DIS3L: variants seen among roughly 807,000 people sequenced by gnomAD.
The protein encoded by DIS3L is DIS3-like exonuclease 1.
In DIS3L, 100 loss-of-function variants were observed where a neutral mutation model predicts 120.3. That is an observed-to-expected ratio of 0.83 (90% CI 0.71 to 0.98). The LOEUF is 0.98. Among genes scored for constraint, DIS3L ranks in the 50% least tolerant of loss-of-function variants. The pLI is 0.00. For missense variants in DIS3L, 1,196 were observed against 1,314.2 expected (o/e 0.91, Z 1.39); for synonymous variants, 426 against 470.6 (o/e 0.91, Z 1.23).
intron 14 of DIS3L, chr15:66,330,319 C>G (rs1204944269): frequency 1.0e-6 from 1 of 985,188 alleles, no homozygotes; most frequent in Non-Finnish European, 1.2e-6. Context: ...CACACCGTGC[C>G]TGCTGTTTGA....
intron 2 of DIS3L, among the ~76,000 whole-genome samples, chr15:66,297,478 T>C (rs1358804085): frequency 2.0e-5 from 3 of 152,200 alleles, no homozygotes; most frequent in African/African-American, 4.8e-5. Flanking sequence ...TACAACATGA[T>C]GTTTTAAAAT....
intron 11 of DIS3L, among the ~76,000 whole-genome samples, chr15:66,324,338 C>CATTTTT (rs776463085): frequency 6.2e-4 from 95 of 152,198 alleles, no homozygotes; most frequent in Non-Finnish European, 1.1e-3. Context: ...TTCACATTTT[C>CATTTTT]ATTTTTATTT....
chr15:66,321,111 G>C (rs1049373641), intron 9 of DIS3L, among the ~76,000 whole-genome samples: 1 of 152,172 alleles, frequency 6.6e-6, no homozygotes, highest in Non-Finnish European at 1.5e-5. Context: ...GCTGCAGGGG[G>C]TGGATTCCTG....
At chr15:66,306,456 A>G (rs1380359903) in intron 2 of DIS3L, among the ~76,000 whole-genome samples, 2 of 152,260 alleles carry the variant, frequency 1.3e-5, no homozygotes, top group Non-Finnish European at 2.9e-5. Context: ...CCAAAAATAA[A>G]GTGCTAAACT....
intron 10 of DIS3L, 40 bp from the exon 11 acceptor site, chr15:66,323,453 C>T: frequency 6.2e-7 from 1 of 1,603,686 alleles, no homozygotes; most frequent in South Asian, 1.1e-5. Flanking sequence ...TCTGCTTCTC[C>T]CTGCTAAAGG....
chr15:66,323,135 CT>C (rs934690699), intron 10 of DIS3L, among the ~76,000 whole-genome samples: 1 of 152,112 alleles, frequency 6.6e-6, no homozygotes, highest in Non-Finnish European at 1.5e-5. Flanking sequence ...TTAACATAAC[CT>C]TTTCACACAT....
intron 2 of DIS3L, among the ~76,000 whole-genome samples, chr15:66,298,188 A>AT (rs1265856874): frequency 6.0e-5 from 9 of 150,884 alleles, no homozygotes; most frequent in Admixed American, 3.3e-4. Context: ...TCAAAAAAAA[A>AT]AAAAAAAAAA....
chr15:66,318,795 G>T (rs1230633452), intron 8 of DIS3L, among the ~76,000 whole-genome samples, 177 bp downstream of exon 8: 1 of 151,820 alleles, frequency 6.6e-6, no homozygotes, highest in Non-Finnish European at 1.5e-5. Flanking sequence ...TTTTGTTGTT[G>T]TTCTTTTGTT....
intron 14 of DIS3L, chr15:66,329,785 G>A (rs777796815): frequency 1.2e-5 from 11 of 927,648 alleles, no homozygotes; most frequent in Middle Eastern, 5.5e-4. Flanking sequence ...GATGGCACGC[G>A]CCTGTAGTCC....
Position 66,318,553 on chromosome 15 carries a change from G to T in DIS3L, c.1099G>T (p.Val367Phe), listed in dbSNP as rs375710056. ...GGGCAAAAATGCTCAGAAAATCCTG[G>T]TTACACCTTGGGATTACAGAATTCC... ...SQGKNAQKILVTPWDYRIPKI... is the reference protein window; with the variant it reads ...SQGKNAQKILFTPWDYRIPKI... Residue 367 changes from valine (V) to phenylalanine (F), a missense_variant, in exon 8 of 17, where the codon GTT becomes TTT. Physicochemically the swap from Val to Phe is conservative, Grantham distance 50 (BLOSUM62 -1). Coordinates refer to ENST00000319212, the MANE Select transcript of DIS3L (RefSeq NM_001143688.3). The T allele has an allele frequency of 1.2e-5, 20 of 1,613,868 alleles. No individual in the cohort carries two copies. The African/African-American group carries it at 2.1e-4, about 17-fold the overall frequency.
intron 3 of DIS3L, 61 bp downstream of exon 3, chr15:66,307,013 G>A: frequency 1.3e-6 from 2 of 1,599,214 alleles, no homozygotes; most frequent in South Asian, 1.1e-5. Flanking sequence ...CTCATCATTG[G>A]CTGTTTGGGA....
At chr15:66,301,064 T>C (rs1322362799) in intron 2 of DIS3L, among the ~76,000 whole-genome samples, 1 of 152,108 alleles carries the variant, frequency 6.6e-6, no homozygotes, top group African/African-American at 2.4e-5. Context: ...CCACTTCTAA[T>C]CCTTAGAGAG....
chr15:66,294,377 C>T, intron 1 of DIS3L: 7 of 985,602 alleles, frequency 7.1e-6, no homozygotes, highest in Non-Finnish European at 8.4e-6. Context: ...TCTCTTCCCC[C>T]ATGGGAGGAT....
chr15:66,309,244 C>T (rs950876330), intron 4 of DIS3L, among the ~76,000 whole-genome samples: 1 of 149,930 alleles, frequency 6.7e-6, no homozygotes, highest in Non-Finnish European at 1.5e-5. Flanking sequence ...AGAGTAAGAC[C>T]CTGTCTCAAC....
intron 12 of DIS3L, chr15:66,326,649 G>GGCTCA (rs2092941808): frequency 3.6e-6 from 1 of 278,496 alleles, no homozygotes; most frequent in South Asian, 4.8e-5. Context: ...GTATGATCTC[G>GGCTCA]GCTCACTGCA....
chr15:66,323,774 G>A (rs1268995247), intron 11 of DIS3L, among the ~76,000 whole-genome samples, 189 bp downstream of exon 11: 12 of 151,782 alleles, frequency 7.9e-5, no homozygotes, highest in Non-Finnish European at 2.9e-5. Context: ...TATTTCTCTA[G>A]CCTTCCCTGC....
At chr15:66,322,075 A>G (rs998086529) in intron 9 of DIS3L, among the ~76,000 whole-genome samples, 1 of 152,124 alleles carries the variant, frequency 6.6e-6, no homozygotes. Flanking sequence ...AGTTTCTGGA[A>G]ATTATTTGTT....
intron 4 of DIS3L, among the ~76,000 whole-genome samples, chr15:66,310,565 A>G (rs955664559): frequency 3.3e-5 from 5 of 152,220 alleles, no homozygotes; most frequent in Non-Finnish European, 7.3e-5. Context: ...AAGAGCCAAG[A>G]TGATAAATCC....
intron 4 of DIS3L, among the ~76,000 whole-genome samples, chr15:66,310,181 C>A (rs2092746503): frequency 6.6e-6 from 1 of 152,034 alleles, no homozygotes; most frequent in Non-Finnish European, 1.5e-5. Flanking sequence ...TAAGGGTTCC[C>A]AGGTGCATAT....
Sources: gnomAD v4.1 joint callset for allele counts (sites outside exome capture counted in the v4.1 genomes callset) on GRCh38, gnomAD v4.1.1 for gene constraint, MANE v1.5 for transcripts, NCBI Gene and HGNC (gene_info 2026-07-23, HGNC 2026-07-21) for gene names.